LHFPL3: variants seen among roughly 807,000 people sequenced by gnomAD.
LHFPL3 encodes the protein LHFPL tetraspan subfamily member 3.
A neutral mutation model predicts 19.3 loss-of-function variants in LHFPL3; 5 were observed. That is an observed-to-expected ratio of 0.26 (90% CI 0.14 to 0.54). The LOEUF is 0.54. Among genes scored for constraint, LHFPL3 ranks in the 20% least tolerant of loss-of-function variants. The pLI is 0.94. For synonymous variants in LHFPL3, 133 were observed against 126.2 expected (o/e 1.05, Z -0.36); for missense variants, 249 against 307.4 (o/e 0.81, Z 1.42).
intron 1 of LHFPL3, among the ~76,000 whole-genome samples, chr7:104,558,123 A>G (rs1196194789): frequency 6.6e-6 from 1 of 150,376 alleles, no homozygotes; most frequent in Non-Finnish European, 1.5e-5. Context: ...ATTGTGAATA[A>G]TGCCGCAATA....
intron 1 of LHFPL3, among the ~76,000 whole-genome samples, chr7:104,640,429 TG>T (rs1276879398): frequency 6.6e-6 from 1 of 152,220 alleles, no homozygotes; most frequent in Non-Finnish European, 1.5e-5. Flanking sequence ...GCTTCATCCA[TG>T]TACCTGCAAA....
chr7:104,875,995 A>C (rs1417359911), intron 2 of LHFPL3, among the ~76,000 whole-genome samples: 2 of 152,234 alleles, frequency 1.3e-5, no homozygotes, highest in Non-Finnish European at 2.9e-5. Context: ...AATACTGAAC[A>C]GAGATTATTA....
intron 1 of LHFPL3, among the ~76,000 whole-genome samples, chr7:104,408,483 C>A (rs768528720): frequency 6.6e-6 from 1 of 152,040 alleles, no homozygotes; most frequent in Non-Finnish European, 1.5e-5. Context: ...CTTCTACAAT[C>A]CCCAAATATT....
intron 2 of LHFPL3, among the ~76,000 whole-genome samples, chr7:104,894,075 C>T (rs1792306533): frequency 6.6e-6 from 1 of 152,122 alleles, no homozygotes; most frequent in African/African-American, 2.4e-5. Context: ...CATATCAAGA[C>T]TCAGACTTGT....
intron 2 of LHFPL3, among the ~76,000 whole-genome samples, chr7:104,876,706 A>G (rs1409785659): frequency 1.3e-5 from 2 of 152,016 alleles, no homozygotes; most frequent in African/African-American, 4.8e-5. Flanking sequence ...ACCACTGTGG[A>G]AGTCAGTGTG....
intron 1 of LHFPL3, among the ~76,000 whole-genome samples, chr7:104,360,532 G>A (rs1473011142): frequency 1.3e-5 from 2 of 152,058 alleles, no homozygotes; most frequent in African/African-American, 2.4e-5. Context: ...ACTTGAAGAG[G>A]AGCCCCAATT....
chr7:104,382,616 G>A (rs1217980645), intron 1 of LHFPL3, among the ~76,000 whole-genome samples: 1 of 152,156 alleles, frequency 6.6e-6, no homozygotes, highest in Non-Finnish European at 1.5e-5. Context: ...AATGTGTGCT[G>A]CCAAGTTTGA....
At chr7:104,446,015 T>C (rs554486275) in intron 1 of LHFPL3, among the ~76,000 whole-genome samples, 2 of 152,358 alleles carry the variant, frequency 1.3e-5, no homozygotes, top group Admixed American at 6.5e-5. Flanking sequence ...GGAAGGTTTA[T>C]TAGTTGATGC....
At chr7:104,371,843 T>G (rs1584273674) in intron 1 of LHFPL3, among the ~76,000 whole-genome samples, 1 of 152,046 alleles carries the variant, frequency 6.6e-6, no homozygotes, top group Admixed American at 6.5e-5. Context: ...AGCATAGGAG[T>G]GTTTCCCCAT....
At chr7:104,548,957 G>T (rs552438951) in intron 1 of LHFPL3, among the ~76,000 whole-genome samples, 3 of 152,254 alleles carry the variant, frequency 2.0e-5, no homozygotes, top group Non-Finnish European at 4.4e-5. Flanking sequence ...GCCTCTAAGG[G>T]ATTCTTTGGG....
rs570870688 is a variant in LHFPL3 at position 104,836,523 on chromosome 7, G to C, written c.683-69664G>C. 4.6e-5 allele frequency among the ~76,000 whole-genome samples: 7 copies of C among 152,300 alleles called. No individual in the cohort carries two copies. In the South Asian group the frequency reaches 1.5e-3, roughly 32 times the overall value. On this transcript the variant is annotated intron_variant, in intron 2 of 2. Coordinates refer to ENST00000424859, the MANE Select transcript of LHFPL3 (RefSeq NM_199000.3). ...CAAACTCTCATCTAAAAAGCCTACT[G>C]TTCTTTTACCATTTGTGCTCTTAGG...
intron 1 of LHFPL3, among the ~76,000 whole-genome samples, chr7:104,733,424 T>C (rs984681242): frequency 2.0e-5 from 3 of 152,236 alleles, no homozygotes; most frequent in Non-Finnish European, 4.4e-5. Context: ...GGTGCATATA[T>C]ATTTAGGATA....
At position 104,410,739 on chromosome 7, in the gene LHFPL3, A is replaced by C. The variant is rs572285020; in HGVS notation, c.445+81515A>C. Among the ~76,000 whole-genome samples, 3 of 152,370 alleles carry C rather than the reference A, an allele frequency of 2.0e-5. No individual in the cohort carries two copies. The South Asian group carries it at 6.2e-4, about 32-fold the overall frequency. ...TGTGCAAAAATGCATTTAACATTGTATTGATTAATATGGATCATACAAATG... is the reference window on the plus strand; with the variant it reads ...TGTGCAAAAATGCATTTAACATTGTCTTGATTAATATGGATCATACAAATG... On this transcript the variant is annotated intron_variant, in intron 1 of 2. Coordinates refer to ENST00000424859, the MANE Select transcript of LHFPL3 (RefSeq NM_199000.3).
At chr7:104,678,626 C>T (rs1792637478) in intron 1 of LHFPL3, among the ~76,000 whole-genome samples, 1 of 151,942 alleles carries the variant, frequency 6.6e-6, no homozygotes, top group Admixed American at 6.6e-5. Context: ...TTTTATAGCA[C>T]TTAAGGTAAT....
intron 1 of LHFPL3, among the ~76,000 whole-genome samples, chr7:104,606,593 G>C (rs1791107632): frequency 6.6e-6 from 1 of 152,180 alleles, no homozygotes; most frequent in Non-Finnish European, 1.5e-5. Context: ...TATATGAGAA[G>C]GGACTTTGAA....
chr7:104,469,333 A>T (rs954408389), intron 1 of LHFPL3, among the ~76,000 whole-genome samples: 2 of 152,200 alleles, frequency 1.3e-5, no homozygotes, highest in Non-Finnish European at 2.9e-5. Context: ...CTCCTGAAAT[A>T]ACCATATCTC....
intron 1 of LHFPL3, among the ~76,000 whole-genome samples, chr7:104,486,514 T>TCA (rs947829505): frequency 6.6e-6 from 1 of 152,186 alleles, no homozygotes; most frequent in African/African-American, 2.4e-5. Context: ...GGCTGTGTCC[T>TCA]CACATGGTGA....
chr7:104,596,065 A>T (rs1790848616), intron 1 of LHFPL3, among the ~76,000 whole-genome samples: 1 of 152,214 alleles, frequency 6.6e-6, no homozygotes, highest in Non-Finnish European at 1.5e-5. Context: ...CGTGGGCTGC[A>T]CCCACTGTCC....
At chr7:104,532,285 G>GTT (rs80134974) in intron 1 of LHFPL3, among the ~76,000 whole-genome samples, 47,698 of 109,334 alleles carry the variant, frequency 0.44, 9,028 homozygotes, top group Middle Eastern at 0.54. Flanking sequence ...CTTGGCTAAT[G>GTT]TTTTTTTTTT....
Sources: gnomAD v4.1 joint callset for allele counts (sites outside exome capture counted in the v4.1 genomes callset) on GRCh38, gnomAD v4.1.1 for gene constraint, MANE v1.5 for transcripts, NCBI Gene and HGNC (gene_info 2026-07-23, HGNC 2026-07-21) for gene names.